ITGAM: variants seen among roughly 807,000 people sequenced by gnomAD.
ITGAM encodes integrin alpha-M.
A neutral mutation model predicts 137.5 loss-of-function variants in ITGAM; 79 were observed. That is an observed-to-expected ratio of 0.57 (90% CI 0.48 to 0.69). The LOEUF is 0.69. Among genes scored for constraint, ITGAM ranks in the 30% least tolerant of loss-of-function variants. The pLI is 0.00. For synonymous variants in ITGAM, 583 were observed against 592.3 expected (o/e 0.98, Z 0.23); for missense variants, 1,343 against 1,483.5 (o/e 0.91, Z 1.56).
chr16:31,275,878 C>T (rs1335282730), intron 9 of ITGAM, among the ~76,000 whole-genome samples, 179 bp downstream of exon 9: 1 of 152,164 alleles, frequency 6.6e-6, no homozygotes, highest in Non-Finnish European at 1.5e-5. Flanking sequence ...GTCAAAGAAT[C>T]CATACTTTTA....
At position 31,325,538 on chromosome 16, in the gene ITGAM, G is replaced by T. The variant is rs368335626; in HGVS notation, c.2544G>T (p.Glu848Asp). 12 of 1,613,860 alleles carry T rather than the reference G, an allele frequency of 7.4e-6. No individual in the cohort carries two copies. In the African/African-American group the frequency reaches 1.6e-4, roughly 22 times the overall value. Reference protein sequence around the residue: ...RSQRSWRLACESASSTEVSGA... With the variant: ...RSQRSWRLACDSASSTEVSGA... ...AGCGATCCTGGCGCCTGGCCTGTGA[G>T]TCTGCCTCCTCCACCGAAGTGTCTG... Residue 848 changes from glutamate (E) to aspartate (D), a missense_variant, in exon 21 of 30, where the codon GAG becomes GAT. By Grantham distance (45) the Glu-to-Asp change is conservative (BLOSUM62 2). Transcript: ENST00000544665.
At position 31,275,612 on chromosome 16, in the gene ITGAM, C is replaced by A; in HGVS notation, c.922C>A (p.Pro308Thr). ...QELNTIASKPPRDHVFQVNNF... is the reference protein window; with the variant it reads ...QELNTIASKPTRDHVFQVNNF... ...GCTTAATACCATCGCATCCAAGCCG[C>A]CTCGTGATCACGTGTTCCAGGTGAA... is the stretch of plus-strand genomic sequence containing the variant. Residue 308 changes from proline (P) to threonine (T), a missense_variant, in exon 9 of 30, where the codon CCT becomes ACT. Physicochemically the swap from Pro to Thr is conservative, Grantham distance 38. Coordinates refer to ENST00000544665, the MANE Select transcript of ITGAM (RefSeq NM_000632.4). 1 of 1,613,974 alleles carries A rather than the reference C, an allele frequency of 6.2e-7. No homozygotes were observed. The highest frequency in any genetic ancestry group is 1.1e-5 in the South Asian group (1 of 91,078).
chr16:31,280,545 T>G (rs563846123), intron 12 of ITGAM, among the ~76,000 whole-genome samples: 2 of 152,338 alleles, frequency 1.3e-5, no homozygotes, highest in African/African-American at 4.8e-5. Context: ...GTTTGTCTGT[T>G]ATTGGTGTAT....
chr16:31,279,520 G>A (rs780380113), intron 12 of ITGAM, among the ~76,000 whole-genome samples: 1 of 152,150 alleles, frequency 6.6e-6, no homozygotes, highest in Non-Finnish European at 1.5e-5. Context: ...GTGTCTGTTG[G>A]CTGCATAAAT....
chr16:31,319,366 T>G (rs1174119375), intron 14 of ITGAM, among the ~76,000 whole-genome samples: 1 of 152,192 alleles, frequency 6.6e-6, no homozygotes, highest in Non-Finnish European at 1.5e-5. Context: ...AGATGTCTGA[T>G]GGGTGTGTAT....
intron 11 of ITGAM, among the ~76,000 whole-genome samples, chr16:31,277,548 G>A (rs1396168955): frequency 6.6e-6 from 1 of 152,034 alleles, no homozygotes; most frequent in African/African-American, 2.4e-5. Flanking sequence ...AGTAGAGATG[G>A]GATTTCTCCA....
Position 31,331,218 on chromosome 16 carries a change from G to A in ITGAM, c.3330G>A (p.Val1110=), listed in dbSNP as rs1302429846. 10 of 1,613,346 alleles carry A rather than the reference G, an allele frequency of 6.2e-6. No individual in the cohort carries two copies. The highest frequency in any genetic ancestry group is 5.3e-5 in the African/African-American group (4 of 74,892). The change falls in exon 29 of 30, where the codon GTG becomes GTA. Residue 1110 remains valine (V), a synonymous_variant. Coordinates refer to ENST00000544665, the MANE Select transcript of ITGAM (RefSeq NM_000632.4). ...TCCCCAACCCCCTGCCGCTCATCGT[G>A]GGCAGCTCTGTCGGGGGACTGCTGC... ...FEVPNPLPLI[V]GSSVGGLLLL... is the part of the protein sequence containing the mutation.
At chr16:31,309,658 G>T (rs1304529211) in intron 14 of ITGAM, among the ~76,000 whole-genome samples, 2 of 152,070 alleles carry the variant, frequency 1.3e-5, no homozygotes, top group Non-Finnish European at 2.9e-5. Context: ...TTACATTTAA[G>T]GTTAGTATTT....
intron 23 of ITGAM, chr16:31,328,962 G>A (rs1408158941): frequency 1.8e-6 from 1 of 566,100 alleles, no homozygotes; most frequent in Non-Finnish European, 3.2e-6. Flanking sequence ...TTGTGCGTGT[G>A]TGTGTCTGAG....
intron 12 of ITGAM, among the ~76,000 whole-genome samples, chr16:31,279,268 G>A (rs558824296): frequency 2.6e-5 from 4 of 152,236 alleles, no homozygotes; most frequent in Non-Finnish European, 5.9e-5. Flanking sequence ...TGGGATGGCT[G>A]GGTCAAATGG....
rs753648833 is a variant in ITGAM at position 31,273,372 on chromosome 16, C to T, written c.712C>T (p.Leu238=). The part of the protein sequence containing the change: ...ATGIRKVVRE[L]FNITNGARKN... Reference sequence around the variant, plus strand: ...CTCCTGTTTCCTGCACAGACGAGAGCTGTTTAACATCACCAACGGAGCCCG... The same window carrying T: ...CTCCTGTTTCCTGCACAGACGAGAGTTGTTTAACATCACCAACGGAGCCCG... Residue 238 remains leucine, a synonymous_variant, in exon 8 of 30, where the codon CTG becomes TTG. Transcript: ENST00000544665. 6.2e-7 allele frequency: 1 copy of T among 1,613,240 alleles called. No individual in the cohort carries two copies. Among genetic ancestry groups the T allele is most frequent in the Non-Finnish European group, 8.5e-7 (1 of 1,179,632 alleles).
chr16:31,310,865 G>A (rs1343799409), intron 14 of ITGAM, among the ~76,000 whole-genome samples: 1 of 152,108 alleles, frequency 6.6e-6, no homozygotes, highest in Non-Finnish European at 1.5e-5. Flanking sequence ...ACGTACAGAT[G>A]GGTTTTTGGT....
At chr16:31,323,179 C>A (rs1010105450) in intron 16 of ITGAM, among the ~76,000 whole-genome samples, 70 of 152,016 alleles carry the variant, frequency 4.6e-4, no homozygotes, top group Non-Finnish European at 3.7e-4. Context: ...CGCCTGTAAT[C>A]CCAGCACTTT....
intron 8 of ITGAM, among the ~76,000 whole-genome samples, chr16:31,274,123 C>T (rs1263510029): frequency 6.6e-6 from 1 of 152,246 alleles, no homozygotes; most frequent in Non-Finnish European, 1.5e-5. Context: ...ATTTCAATCA[C>T]AAACGCCACA....
intron 14 of ITGAM, among the ~76,000 whole-genome samples, chr16:31,306,901 T>C (rs1281375412): frequency 6.6e-6 from 1 of 152,200 alleles, no homozygotes; most frequent in Non-Finnish European, 1.5e-5. Flanking sequence ...CAATAATATA[T>C]GAACACCCTT....
At chr16:31,325,154 C>A in intron 19 of ITGAM, 109 bp from the exon 20 acceptor site, 1 of 1,483,186 alleles carries the variant, frequency 6.7e-7, no homozygotes. Context: ...GTGGCTGCCC[C>A]TCCACTGTTG....
At chr16:31,305,827 T>G (rs1035775312) in intron 14 of ITGAM, among the ~76,000 whole-genome samples, 6 of 152,208 alleles carry the variant, frequency 3.9e-5, no homozygotes, top group African/African-American at 1.4e-4. Flanking sequence ...TTGATCATGA[T>G]GTATTATCTT....
intron 5 of ITGAM, among the ~76,000 whole-genome samples, chr16:31,267,798 G>A (rs1350994120): frequency 1.3e-5 from 2 of 151,938 alleles, no homozygotes; most frequent in African/African-American, 4.8e-5. Flanking sequence ...GATCACAGGT[G>A]CGCATATACT....
intron 12 of ITGAM, among the ~76,000 whole-genome samples, chr16:31,288,257 C>A (rs973287442): frequency 6.6e-6 from 1 of 152,034 alleles, no homozygotes; most frequent in Non-Finnish European, 1.5e-5. Flanking sequence ...ACATGCAGGG[C>A]TTGTTCAATA....
Sources: gnomAD v4.1 joint callset for allele counts (sites outside exome capture counted in the v4.1 genomes callset) on GRCh38, gnomAD v4.1.1 for gene constraint, MANE v1.5 for transcripts, NCBI Gene and HGNC (gene_info 2026-07-23, HGNC 2026-07-21) for gene names.